The following ANO3 variants were observed in gnomAD, a reference collection of about 807,000 sequenced individuals.
ANO3 encodes the protein anoctamin-3.
In ANO3, 99 loss-of-function variants were observed where a neutral mutation model predicts 144.8. The observed-to-expected ratio is 0.68, with a 90% CI of 0.58 to 0.81. ANO3 has a LOEUF of 0.81. Among genes scored for constraint, ANO3 ranks in the 30% least tolerant of loss-of-function variants. The probability of loss-of-function intolerance (pLI) is 0.00; values close to 1 mark genes in which losing one functional copy is unlikely to be tolerated. For missense variants in ANO3, 905 were observed against 1,202.2 expected, an observed-to-expected ratio of 0.75 and a Z score of 3.66; for synonymous variants, 414 against 392.6, an observed-to-expected ratio of 1.05 and a Z score of -0.64.
At chr11:26,213,164 A>G (rs1357334177) in intron 1 of ANO3, among the ~76,000 whole-genome samples, 1 of 152,210 alleles carries the variant, frequency 6.6e-6, no homozygotes, top group Non-Finnish European at 1.5e-5. Flanking sequence ...TGACAAAGCC[A>G]CAGCCAGTAT....
chr11:26,330,198 A>G (rs1252541912), upstream of ANO3, among the ~76,000 whole-genome samples: 1 of 152,178 alleles, frequency 6.6e-6, no homozygotes, highest in African/African-American at 2.4e-5. Flanking sequence ...GGGTTGCATT[A>G]GAATCAATGA....
chr11:26,522,558 A>G (rs1273435490), intron 6 of ANO3, among the ~76,000 whole-genome samples: 1 of 152,214 alleles, frequency 6.6e-6, no homozygotes, highest in Non-Finnish European at 1.5e-5. Context: ...TAAGGGAAAA[A>G]TAAAGCACCG....
chr11:26,349,599 A>T (rs1422909405), intron 1 of ANO3, among the ~76,000 whole-genome samples: 1 of 151,836 alleles, frequency 6.6e-6, no homozygotes, highest in African/African-American at 2.4e-5. Flanking sequence ...CCCAGGCTGG[A>T]GTGCAGTGGC....
rs1303462055 is a variant in ANO3 at position 26,194,464 on chromosome 11, G to A, written c.154+5134G>A. On this transcript the variant is annotated intron_variant, in intron 1 of 27. Coordinates refer to the ANO3 transcript ENST00000672621. The stretch of plus-strand genomic sequence containing the variant: ...GGTGTGTGTGTGTGTGTGTGTGTGT[G>A]TGTGTGTGTGTGTGTGTGTGTGTAT... Among the ~76,000 whole-genome samples the A allele has an allele frequency of 1.3e-4, 19 of 150,510 alleles. No homozygotes were observed. The East Asian group carries it at 3.0e-3, about 24-fold the overall frequency.
chr11:26,268,239 T>C (rs746476031), intron 1 of ANO3, among the ~76,000 whole-genome samples: 1 of 152,216 alleles, frequency 6.6e-6, no homozygotes, highest in Non-Finnish European at 1.5e-5. Context: ...ACCAGGTAGA[T>C]CTTGTTCGAA....
intron 1 of ANO3, among the ~76,000 whole-genome samples, chr11:26,189,730 G>T (rs1277105258): frequency 1.3e-5 from 2 of 152,002 alleles, no homozygotes; most frequent in African/African-American, 4.8e-5. Context: ...TCATTCGTAT[G>T]CACAATTATA....
chr11:26,190,612 C>A (rs1851456059), intron 1 of ANO3, among the ~76,000 whole-genome samples: 1 of 152,062 alleles, frequency 6.6e-6, no homozygotes, highest in Admixed American at 6.6e-5. Flanking sequence ...GTCTTCTAGT[C>A]ATTTCTGTCA....
chr11:26,395,444 T>C (rs1190675702), intron 1 of ANO3, among the ~76,000 whole-genome samples: 1 of 152,194 alleles, frequency 6.6e-6, no homozygotes, highest in African/African-American at 2.4e-5. Flanking sequence ...GTGTTCTCTC[T>C]TATTTCCTTG....
intron 4 of ANO3, among the ~76,000 whole-genome samples, chr11:26,496,637 T>C (rs1302436200): frequency 6.6e-6 from 1 of 152,176 alleles, no homozygotes; most frequent in Non-Finnish European, 1.5e-5. Context: ...ATCACCCAAA[T>C]AGTGTACATC....
intron 12 of ANO3, 25 bp from the exon 13 acceptor site, chr11:26,553,224 G>GTTTTTTTTTTT: frequency 3.4e-6 from 4 of 1,172,118 alleles, no homozygotes; most frequent in African/African-American, 2.2e-5. Flanking sequence ...GTTTTGTTTT[G>GTTTTTTTTTTT]TTTTTGTTTT....
At chr11:26,488,448 C>A (rs1860555680) in intron 4 of ANO3, among the ~76,000 whole-genome samples, 1 of 152,144 alleles carries the variant, frequency 6.6e-6, no homozygotes, top group Admixed American at 6.5e-5. Flanking sequence ...TCGCTGACTT[C>A]AAGAATGAAG....
At chr11:26,249,268 T>A (rs1214933059) in intron 1 of ANO3, among the ~76,000 whole-genome samples, 1 of 152,150 alleles carries the variant, frequency 6.6e-6, no homozygotes, top group Non-Finnish European at 1.5e-5. Flanking sequence ...AGTGTTTTGT[T>A]TATAAATGAC....
At chr11:26,473,402 T>C (rs1313775368) in intron 4 of ANO3, among the ~76,000 whole-genome samples, 1 of 151,972 alleles carries the variant, frequency 6.6e-6, no homozygotes, top group Non-Finnish European at 1.5e-5. Context: ...ATTACAATCA[T>C]ATCATTATGT....
At chr11:26,339,484 G>A (rs1855294655) in intron 1 of ANO3, among the ~76,000 whole-genome samples, 1 of 152,136 alleles carries the variant, frequency 6.6e-6, no homozygotes, top group African/African-American at 2.4e-5. Flanking sequence ...CATTGTGCAT[G>A]CCACAAAGAA....
chr11:26,388,274 A>G (rs1473568473), intron 1 of ANO3, among the ~76,000 whole-genome samples: 1 of 151,776 alleles, frequency 6.6e-6, no homozygotes, highest in Non-Finnish European at 1.5e-5. Flanking sequence ...ACCCTTTAAA[A>G]TAACTAGCGT....
intron 3 of ANO3, among the ~76,000 whole-genome samples, chr11:26,452,390 C>G (rs1209038568): frequency 6.6e-6 from 1 of 152,212 alleles, no homozygotes; most frequent in Middle Eastern, 3.4e-3. Flanking sequence ...CTTAAAGGAG[C>G]TGATGGAGCT....
At chr11:26,226,851 AC>A in intron 1 of ANO3, among the ~76,000 whole-genome samples, 1 of 152,228 alleles carries the variant, frequency 6.6e-6, no homozygotes, top group African/African-American at 2.4e-5. Flanking sequence ...GAATACATTC[AC>A]ATTGTTGTAC....
At chr11:26,245,508 T>G (rs572031306) in intron 1 of ANO3, among the ~76,000 whole-genome samples, 1 of 152,332 alleles carries the variant, frequency 6.6e-6, no homozygotes, top group Admixed American at 6.5e-5. Context: ...CTTTGTCTTC[T>G]TCCCCTTCCC....
chr11:26,577,345 C>G (rs1851013611), intron 14 of ANO3, among the ~76,000 whole-genome samples: 1 of 151,824 alleles, frequency 6.6e-6, no homozygotes, highest in African/African-American at 2.4e-5. Context: ...GGGCGGATCA[C>G]CTGAGGTTAA....
Sources: allele counts gnomAD v4.1 joint callset (sites outside exome capture counted in the v4.1 genomes callset), GRCh38; gene constraint gnomAD v4.1.1; transcripts MANE v1.5; gene names NCBI Gene and HGNC (gene_info 2026-07-23, HGNC 2026-07-21).